The following P4HA1 variants were observed in gnomAD, a reference collection of about 807,000 sequenced individuals.
The protein encoded by P4HA1 is prolyl 4-hydroxylase subunit alpha 1.
Under a neutral mutation model 72.8 loss-of-function variants are expected in P4HA1, and 24 were observed. The observed-to-expected ratio is 0.33, with a 90% CI of 0.24 to 0.46. The LOEUF (loss-of-function observed/expected upper bound fraction) is 0.46, where lower values mean the gene tolerates loss of function less well. Among genes scored for constraint, P4HA1 ranks in the 20% least tolerant of loss-of-function variants. P4HA1 has a pLI of 1.00. For missense variants in P4HA1, 446 were observed against 640.6 expected, an observed-to-expected ratio of 0.70 and a Z score of 3.28; for synonymous variants, 201 against 218.8, an observed-to-expected ratio of 0.92 and a Z score of 0.72.
At position 73,009,913 on chromosome 10, in the gene P4HA1, A is replaced by T; in HGVS notation, c.1438-10T>A. The stretch of plus-strand genomic sequence containing the variant: ...AGAAAACAGCAGTTCCCTATGGAGA[A>T]CAATTCACAATTATCCCCAAGTATA... On this transcript the variant is annotated splice_polypyrimidine_tract_variant and intron_variant, in intron 13 of 14. Transcript: ENST00000394890. 1.4e-6 allele frequency: 2 copies of T among 1,416,646 alleles called. No homozygotes were observed. Among genetic ancestry groups the T allele is most frequent in the South Asian group, 2.3e-5 (2 of 86,990 alleles). 87.8% of individuals were successfully genotyped at this position (1,416,646 alleles called of 1,614,324 possible).
At chr10:73,008,982 T>G (rs2133024414) in intron 14 of P4HA1, among the ~76,000 whole-genome samples, 1 of 152,316 alleles carries the variant, frequency 6.6e-6, no homozygotes, top group East Asian at 1.9e-4. Context: ...CTATTTGCTC[T>G]CCAACCCTTT....
At chr10:73,070,735 A>T (rs1394308091) in intron 4 of P4HA1, among the ~76,000 whole-genome samples, 1 of 152,226 alleles carries the variant, frequency 6.6e-6, no homozygotes, top group Non-Finnish European at 1.5e-5. Context: ...CTCTTATGCT[A>T]CAAACAAAAT....
intron 5 of P4HA1, among the ~76,000 whole-genome samples, chr10:73,062,484 T>C (rs1051094151): frequency 4.6e-5 from 7 of 152,122 alleles, no homozygotes; most frequent in African/African-American, 1.4e-4. Flanking sequence ...AAGTCAATAT[T>C]ATACTAGTAT....
intron 10 of P4HA1, among the ~76,000 whole-genome samples, chr10:73,024,988 A>G (rs562034468): frequency 2.0e-5 from 3 of 152,118 alleles, no homozygotes; most frequent in Non-Finnish European, 2.9e-5. Context: ...AATTGAGGCA[A>G]TAACAGCCTA....
chr10:73,090,670 T>C lies in P4HA1; in HGVS notation c.-33+6096A>G, dbSNP rs192168502. ...TTACTATCACTCTACTTGGTGGCAATGGTCACTATTCACTATTTTCAAATA... is the reference window on the plus strand; with the variant it reads ...TTACTATCACTCTACTTGGTGGCAACGGTCACTATTCACTATTTTCAAATA... On this transcript the variant is annotated intron_variant, in intron 1 of 14. Transcript: ENST00000394890. 1.8e-3 allele frequency among the ~76,000 whole-genome samples: 272 copies of C among 152,304 alleles called. 3 individuals carry two copies. Among genetic ancestry groups the C allele is most frequent in the African/African-American group, 6.2e-3 (258 of 41,576 alleles).
intron 5 of P4HA1, 83 bp downstream of exon 5, chr10:73,068,763 C>A (rs1665744414): frequency 2.7e-6 from 3 of 1,129,134 alleles, no homozygotes; most frequent in Non-Finnish European, 1.3e-6. Context: ...AAATGCAAGT[C>A]TTTTTTATAC....
At chr10:73,093,922 A>C (rs1842108950) in intron 1 of P4HA1, among the ~76,000 whole-genome samples, 1 of 131,382 alleles carries the variant, frequency 7.6e-6, no homozygotes, top group South Asian at 2.6e-4. Flanking sequence ...ACACACACAC[A>C]CACACATACT....
At chr10:73,062,951 T>A (rs1240439927) in intron 5 of P4HA1, among the ~76,000 whole-genome samples, 3 of 151,078 alleles carry the variant, frequency 2.0e-5, no homozygotes, top group African/African-American at 7.4e-5. Context: ...AATATTCAAA[T>A]CATACAATCA....
At chr10:73,010,767 GC>G (rs1353605054) in intron 13 of P4HA1, among the ~76,000 whole-genome samples, 1 of 152,026 alleles carries the variant, frequency 6.6e-6, no homozygotes, top group Non-Finnish European at 1.5e-5. Flanking sequence ...TATTTGGGAG[GC>G]TGAGGCTTGA....
chr10:73,066,112 C>T (rs1281553698), intron 5 of P4HA1, among the ~76,000 whole-genome samples: 2 of 152,192 alleles, frequency 1.3e-5, no homozygotes, highest in Non-Finnish European at 2.9e-5. Context: ...CCTTCGAACA[C>T]ATTTGTGATA....
intron 11 of P4HA1, 139 bp from the exon 12 acceptor site, chr10:73,014,428 G>T: frequency 1.6e-6 from 1 of 641,806 alleles, no homozygotes; most frequent in African/African-American, 1.8e-5. Context: ...AATGTCCAGT[G>T]CACTATAAAC....
At chr10:73,021,460 T>G (rs1294666095) in intron 10 of P4HA1, among the ~76,000 whole-genome samples, 1 of 152,216 alleles carries the variant, frequency 6.6e-6, no homozygotes, top group Non-Finnish European at 1.5e-5. Context: ...ATGTGGTGCT[T>G]ATATATAATG....
intron 6 of P4HA1, among the ~76,000 whole-genome samples, chr10:73,052,934 T>G (rs1356672774): frequency 6.6e-6 from 1 of 152,234 alleles, no homozygotes; most frequent in Non-Finnish European, 1.5e-5. Flanking sequence ...AAAATTCTCC[T>G]AAGGTGTATT....
intron 13 of P4HA1, among the ~76,000 whole-genome samples, chr10:73,010,573 T>TA (rs1839892858): frequency 6.6e-6 from 1 of 152,150 alleles, no homozygotes; most frequent in Admixed American, 6.6e-5. Flanking sequence ...AAAATACCTT[T>TA]AAAAATGTAA....
chr10:73,022,692 C>T (rs1840164441), intron 10 of P4HA1, among the ~76,000 whole-genome samples: 1 of 151,924 alleles, frequency 6.6e-6, no homozygotes, highest in Admixed American at 6.6e-5. Context: ...TAATAACAAA[C>T]CTCCCAGCTA....
chr10:73,076,410 A>C (rs1192235263), intron 1 of P4HA1, among the ~76,000 whole-genome samples: 1 of 149,898 alleles, frequency 6.7e-6, no homozygotes, highest in Non-Finnish European at 1.5e-5. Context: ...ATAAACAGCC[A>C]TGTCCATTTA....
chr10:73,037,995 C>A (rs1411232369), intron 9 of P4HA1, among the ~76,000 whole-genome samples: 1 of 152,108 alleles, frequency 6.6e-6, no homozygotes, highest in Non-Finnish European at 1.5e-5. Flanking sequence ...GTGGCTCATG[C>A]CTGTAATCCC....
chr10:73,059,490 T>TC (rs1392490420), intron 5 of P4HA1, among the ~76,000 whole-genome samples: 1 of 113,286 alleles, frequency 8.8e-6, no homozygotes, highest in Non-Finnish European at 1.7e-5. Flanking sequence ...ACGCCTGTAA[T>TC]CCCAGCACTT....
intron 1 of P4HA1, among the ~76,000 whole-genome samples, chr10:73,092,363 TTTTA>T (rs1324018233): frequency 1.4e-5 from 2 of 147,542 alleles, no homozygotes; most frequent in Non-Finnish European, 3.0e-5. Flanking sequence ...TTTTTTTTTT[TTTTA>T]GAGACAGGGT....
Sources: gnomAD v4.1 joint callset for allele counts (sites outside exome capture counted in the v4.1 genomes callset) on GRCh38, gnomAD v4.1.1 for gene constraint, MANE v1.5 for transcripts, NCBI Gene and HGNC (gene_info 2026-07-23, HGNC 2026-07-21) for gene names.